The following CSMD1 variants were observed in gnomAD, a reference collection of about 807,000 sequenced individuals.
The protein encoded by CSMD1 is CUB and sushi domain-containing protein 1.
In CSMD1, 213 loss-of-function variants were observed where a neutral mutation model predicts 417.5. The observed-to-expected ratio is 0.51, with a 90% CI of 0.46 to 0.57. The LOEUF (loss-of-function observed/expected upper bound fraction) is 0.57. Among genes scored for constraint, CSMD1 ranks in the 20% least tolerant of loss-of-function variants. The pLI, the probability that CSMD1 is intolerant of heterozygous loss-of-function variation, is 0.00. For synonymous variants in CSMD1, 2,862 were observed against 1,736.8 expected, an observed-to-expected ratio of 1.65 and a Z score of -16.11; for missense variants, 6,923 against 4,529.7, an observed-to-expected ratio of 1.53 and a Z score of -15.17.
chr8:4,411,063 C>T (rs1033016620), intron 3 of CSMD1, among the ~76,000 whole-genome samples: 2 of 152,058 alleles, frequency 1.3e-5, no homozygotes, highest in South Asian at 2.1e-4. Context: ...ACCACTCCAC[C>T]CGTTTATGAG....
chr8:3,328,720 C>A (rs944689746), intron 23 of CSMD1, among the ~76,000 whole-genome samples: 2 of 152,050 alleles, frequency 1.3e-5, no homozygotes, highest in African/African-American at 2.4e-5. Flanking sequence ...GTGAAACCGA[C>A]AAGACAGTAA....
chr8:3,045,392 C>T (rs1423105555), intron 50 of CSMD1, among the ~76,000 whole-genome samples: 1 of 149,876 alleles, frequency 6.7e-6, no homozygotes, highest in African/African-American at 2.4e-5. Context: ...TATTTTAAAA[C>T]AAAAAAAAAT....
intron 1 of CSMD1, among the ~76,000 whole-genome samples, chr8:4,666,961 T>A (rs1804977117): frequency 6.6e-6 from 1 of 152,192 alleles, no homozygotes; most frequent in Non-Finnish European, 1.5e-5. Flanking sequence ...ATAAAATTTT[T>A]ATGTAATTTT....
intron 3 of CSMD1, among the ~76,000 whole-genome samples, chr8:4,188,885 G>C (rs1240987408): frequency 6.6e-6 from 1 of 151,988 alleles, no homozygotes. Flanking sequence ...CTATGGATCT[G>C]CCTGATGAAA....
rs529297649 is a variant in CSMD1 at position 4,263,262 on chromosome 8, G to C, written c.415+156691C>G. ...ATCTAAAAAAATCTGTAAGCTGAAA[G>C]GTTAGATTTCTTAAACAAAAATGTA... On this transcript the variant is annotated intron_variant, in intron 3 of 69. Transcript: ENST00000635120. Among the ~76,000 whole-genome samples, 6 of 152,164 alleles carry C rather than the reference G, an allele frequency of 3.9e-5. No homozygotes were observed. The East Asian group carries it at 9.7e-4, about 24-fold the overall frequency.
intron 3 of CSMD1, among the ~76,000 whole-genome samples, chr8:4,326,806 A>T (rs753080167): frequency 2.0e-5 from 3 of 151,726 alleles, no homozygotes; most frequent in Non-Finnish European, 4.4e-5. Context: ...AATCACCAAG[A>T]AAACTTTGGC....
chr8:3,857,960 C>G (rs143938581), intron 5 of CSMD1, among the ~76,000 whole-genome samples: 329 of 152,346 alleles, frequency 2.2e-3, no homozygotes, highest in African/African-American at 7.7e-3. Context: ...TGCATGGTGA[C>G]TTCTCTGTAT....
intron 10 of CSMD1, 45 bp from the exon 11 acceptor site, chr8:3,493,771 C>T (rs750591289): frequency 2.0e-6 from 3 of 1,510,696 alleles, no homozygotes; most frequent in Non-Finnish European, 2.7e-6. Flanking sequence ...ACAGGTACTT[C>T]CCATGACTTT....
intron 2 of CSMD1, among the ~76,000 whole-genome samples, chr8:4,442,421 G>C (rs1020428620): frequency 6.6e-6 from 1 of 152,038 alleles, no homozygotes; most frequent in African/African-American, 2.4e-5. Context: ...CTGTATATAT[G>C]AACATATAAA....
rs572569808 is a variant in CSMD1 at position 3,573,330 on chromosome 8, T to TA, written c.1344+1614dup. On this transcript the variant is annotated intron_variant, in intron 10 of 69. Coordinates refer to ENST00000635120, the MANE Select transcript of CSMD1 (RefSeq NM_033225.6). ...GTACTGAAAAATAATAGTTTCTTGGTAAAAAACTGAGTAACAAACCATTGA... is the reference window on the plus strand; with the variant it reads ...GTACTGAAAAATAATAGTTTCTTGGTAAAAAAACTGAGTAACAAACCATTGA... Among the ~76,000 whole-genome samples the TA allele has an allele frequency of 3.3e-5, 5 of 152,274 alleles. No individual in the cohort carries two copies. In the East Asian group the frequency reaches 5.8e-4, roughly 18 times the overall value.
At chr8:4,494,942 AT>A (rs1159291858) in intron 2 of CSMD1, among the ~76,000 whole-genome samples, 1 of 152,172 alleles carries the variant, frequency 6.6e-6, no homozygotes, top group African/African-American at 2.4e-5. Context: ...GATATACATA[AT>A]TAAAAGGCAG....
In CSMD1 at chr8:3,685,472, GA is replaced by G. The variant is rs113482343; in HGVS notation, c.1009+22941del. Among the ~76,000 whole-genome samples, 206 of 152,268 alleles carry G rather than the reference GA, an allele frequency of 1.4e-3. 2 individuals carry two copies. The highest frequency in any genetic ancestry group is 4.8e-3 in the African/African-American group (198 of 41,556). On this transcript the variant is annotated intron_variant, in intron 7 of 69. Transcript: ENST00000635120. ...AAGGCTTTAATCGGATGCTGCAGCC[GA>G]AGGAGATGGGAGCTCAGACTCAAAT...
At chr8:4,203,091 T>C (rs1051825590) in intron 3 of CSMD1, among the ~76,000 whole-genome samples, 3 of 152,172 alleles carry the variant, frequency 2.0e-5, no homozygotes, top group African/African-American at 7.2e-5. Flanking sequence ...TGACTTGCAG[T>C]TATCTGTGTG....
intron 37 of CSMD1, among the ~76,000 whole-genome samples, chr8:3,171,808 A>G (rs547431469): frequency 2.6e-5 from 4 of 152,326 alleles, no homozygotes; most frequent in Non-Finnish European, 5.9e-5. Context: ...TTGTAGTATC[A>G]TCCTTTAGAT....
At position 3,308,104 on chromosome 8, in the gene CSMD1, A is replaced by G. The variant is rs144478986; in HGVS notation, c.3823+208T>C. On this transcript the variant is annotated intron_variant, in intron 24 of 69. Transcript: ENST00000635120. ...ATTCTAATAATAACACTGTACCTATAGTCTCCATAACAGAATACTAGAAAA... is the reference window on the plus strand; with the variant it reads ...ATTCTAATAATAACACTGTACCTATGGTCTCCATAACAGAATACTAGAAAA... Among the ~76,000 whole-genome samples the G allele has an allele frequency of 9.3e-4, 141 of 152,092 alleles. 2 individuals are homozygous for G. The East Asian group carries it at 0.017, about 18-fold the overall frequency.
intron 8 of CSMD1, among the ~76,000 whole-genome samples, chr8:3,599,155 G>GTCTC (rs755682699): frequency 7.1e-4 from 94 of 132,466 alleles, no homozygotes; most frequent in East Asian, 3.9e-3. Context: ...GTGTGTCTGT[G>GTCTC]TGTGTGTCTG....
chr8:4,103,733 T>C (rs1033912128), intron 3 of CSMD1, among the ~76,000 whole-genome samples: 1 of 152,136 alleles, frequency 6.6e-6, no homozygotes, highest in Non-Finnish European at 1.5e-5. Flanking sequence ...TATCCAAGAC[T>C]TGATAGTAGG....
chr8:3,322,635 G>A (rs1806225911), intron 23 of CSMD1, among the ~76,000 whole-genome samples: 1 of 152,126 alleles, frequency 6.6e-6, no homozygotes, highest in Admixed American at 6.5e-5. Context: ...AAAGTTGTAG[G>A]GACGCCCCTG....
chr8:3,713,335 G>A (rs36057539), intron 6 of CSMD1, among the ~76,000 whole-genome samples: 50,074 of 152,028 alleles, frequency 0.33, 8,409 homozygotes, highest in East Asian at 0.49. Flanking sequence ...TATTTGAATG[G>A]CAGTGGATTC....
Sources: gnomAD v4.1 joint callset for allele counts (sites outside exome capture counted in the v4.1 genomes callset) on GRCh38, gnomAD v4.1.1 for gene constraint, MANE v1.5 for transcripts, NCBI Gene and HGNC (gene_info 2026-07-23, HGNC 2026-07-21) for gene names.